Variants in EVC2 observed in about 807,000 individuals in gnomAD.
EVC2 encodes the protein EvC ciliary complex subunit 2.
In EVC2, 148 loss-of-function variants were observed where a neutral mutation model predicts 149.3. The ratio of observed to expected loss-of-function variants is 0.99; its 90% CI spans 0.87 to 1.14. The LOEUF is 1.14. Ranked by LOEUF, EVC2 falls within the 50% of genes most tolerant of loss-of-function variation. EVC2 has a pLI of 0.00. For missense variants in EVC2, 1,854 were observed against 1,627.3 expected, an observed-to-expected ratio of 1.14 and a Z score of -2.40; for synonymous variants, 776 against 649.9, an observed-to-expected ratio of 1.19 and a Z score of -2.95.
chr4:5,631,176 G>A (rs117900960), intron 11 of EVC2, among the ~76,000 whole-genome samples: 3 of 152,260 alleles, frequency 2.0e-5, no homozygotes, highest in East Asian at 3.9e-4. Context: ...AGTATATCCA[G>A]GCACAGATAC....
At position 5,636,661 on chromosome 4, in the gene EVC2, G is replaced by A. The variant is rs1716907340; in HGVS notation, c.1470+3853C>T. Among the ~76,000 whole-genome samples, 1 of 152,136 alleles carries A rather than the reference G, an allele frequency of 6.6e-6. No individual in the cohort carries two copies. The highest frequency in any genetic ancestry group is 2.4e-5 in the African/African-American group (1 of 41,426). On this transcript the variant is annotated intron_variant, in intron 10 of 21. Transcript: ENST00000344408. This position sits in a 1 kb window ranked among gnomAD's most constrained non-coding sequence, Gnocchi z 4.6. ...TTTTGGTATCCATGGGGGTGGGATG[G>A]TGGGGAGGGTCCTGGAACCAATGCT... is the stretch of plus-strand genomic sequence containing the variant.
chr4:5,565,967 G>C (rs1722257141), intron 20 of EVC2, among the ~76,000 whole-genome samples: 1 of 152,198 alleles, frequency 6.6e-6, no homozygotes. Context: ...TCTGTGCACT[G>C]ACTTATATAC....
intron 9 of EVC2, among the ~76,000 whole-genome samples, chr4:5,649,009 C>T (rs1717920739): frequency 6.6e-6 from 1 of 152,162 alleles, no homozygotes; most frequent in African/African-American, 2.4e-5. Context: ...CCCTCTATGG[C>T]ATTGTGCCAT....
rs1170135265 is a variant in EVC2 at position 5,679,078 on chromosome 4, A to T, written c.870+2182T>A. On this transcript the variant is annotated intron_variant, in intron 7 of 21. Transcript: ENST00000344408. This position sits in a 1 kb window ranked among gnomAD's most constrained non-coding sequence, Gnocchi z 5.1. Reference sequence around the variant, plus strand: ...AAATATGTACAAAAGACAAAAAAAAAAATACACTCGTATAGGAAATGTATC... The same window carrying T: ...AAATATGTACAAAAGACAAAAAAAATAATACACTCGTATAGGAAATGTATC... Among the ~76,000 whole-genome samples the T allele has an allele frequency of 1.3e-5, 2 of 152,056 alleles. No homozygotes were observed. Among genetic ancestry groups the T allele is most frequent in the Non-Finnish European group, 2.9e-5 (2 of 68,008 alleles).
downstream of EVC2, among the ~76,000 whole-genome samples, chr4:5,542,059 A>C (rs952350830): frequency 2.0e-5 from 3 of 152,212 alleles, no homozygotes; most frequent in Non-Finnish European, 2.9e-5. Context: ...CCAGAGAGCC[A>C]GCTAGCCCTT....
At position 5,622,035 on chromosome 4, in the gene EVC2, G is replaced by T. The variant is rs1715724285; in HGVS notation, c.2501+502C>A. ...GCCAGGTGAAAAGATGATGCAGTGTGGTGGAAGAACTAACACGAAGGTCAA... is the reference window on the plus strand; with the variant it reads ...GCCAGGTGAAAAGATGATGCAGTGTTGTGGAAGAACTAACACGAAGGTCAA... On this transcript the variant is annotated intron_variant, in intron 14 of 21. Transcript: ENST00000344408. The surrounding 1 kb of genome is among the most constrained non-coding windows in gnomAD (Gnocchi z 5.8). Among the ~76,000 whole-genome samples the T allele has an allele frequency of 6.6e-6, 1 of 151,940 alleles. No homozygotes were observed. The highest frequency in any genetic ancestry group is 1.5e-5 in the Non-Finnish European group (1 of 67,996).
At position 5,670,764 on chromosome 4, in the gene EVC2, C is replaced by T. The variant is rs1158586087; in HGVS notation, c.871-5115G>A. On this transcript the variant is annotated intron_variant, in intron 7 of 21. Coordinates refer to ENST00000344408, the MANE Select transcript of EVC2 (RefSeq NM_147127.5). The surrounding 1 kb of genome is among the most constrained non-coding windows in gnomAD (Gnocchi z 5.2). Reference sequence around the variant, plus strand: ...CCATCAACGCCATCATCAGCAGCATCGCCATCAAATTCATTATCACCATCA... The same window carrying T: ...CCATCAACGCCATCATCAGCAGCATTGCCATCAAATTCATTATCACCATCA... Among the ~76,000 whole-genome samples, 3 of 152,030 alleles carry T rather than the reference C, an allele frequency of 2.0e-5. No individual in the cohort carries two copies. The highest frequency in any genetic ancestry group is 2.9e-5 in the Non-Finnish European group (2 of 68,010).
intron 10 of EVC2, among the ~76,000 whole-genome samples, chr4:5,639,871 A>G (rs184482693): frequency 6.6e-6 from 1 of 152,274 alleles, no homozygotes; most frequent in East Asian, 1.9e-4. Context: ...TTTTTACGTG[A>G]ACTGATTTTT....
intron 9 of EVC2, among the ~76,000 whole-genome samples, chr4:5,647,318 C>T (rs547528087): frequency 1.3e-5 from 2 of 152,298 alleles, no homozygotes; most frequent in East Asian, 3.9e-4. Flanking sequence ...CATAGTGTCA[C>T]TATGAAATGG....
chr4:5,609,294 T>C (rs61528467), intron 16 of EVC2, among the ~76,000 whole-genome samples: 2,941 of 152,308 alleles, frequency 0.019, 83 homozygotes, highest in African/African-American at 0.066. Flanking sequence ...CAACTCTTAG[T>C]TGTGGGCATT....
chr4:5,574,836 T>C (rs1722824214), intron 18 of EVC2, 64 bp from the exon 19 acceptor site: 3 of 1,477,064 alleles, frequency 2.0e-6, no homozygotes, highest in Admixed American at 3.4e-5. Context: ...TGAGATCATC[T>C]AGTTATTTAA....
chr4:5,582,110 G>A (rs1711851192), intron 17 of EVC2, among the ~76,000 whole-genome samples: 1 of 152,236 alleles, frequency 6.6e-6, no homozygotes, highest in East Asian at 1.9e-4. Context: ...GAAATGTGGG[G>A]TTGGAGCCCC....
In EVC2 at chr4:5,640,611, C is replaced by T; in HGVS notation, c.1373G>A (p.Cys458Tyr). 6.2e-7 allele frequency: 1 copy of T among 1,614,166 alleles called. No individual in the cohort carries two copies. The highest frequency in any genetic ancestry group is 8.5e-7 in the Non-Finnish European group (1 of 1,180,030). The change falls in exon 10 of 22, where the codon TGT (cysteine) becomes TAT (tyrosine). Residue 458 changes from cysteine to tyrosine, a missense_variant. By Grantham distance (194) the Cys-to-Tyr change is radical. Transcript: ENST00000344408. The surrounding 1 kb of genome is among the most constrained non-coding windows in gnomAD (Gnocchi z 4.6). ...DRKMVALTAE[C>Y]DLETRKKMEN... ...CATCTTCTTTCTTGTTTCCAGGTCA[C>T]ATTCAGCTGTCAATGCCACCATCTT...
chr4:5,590,500 A>G (rs887261064), intron 16 of EVC2, among the ~76,000 whole-genome samples: 1 of 151,392 alleles, frequency 6.6e-6, no homozygotes, highest in Non-Finnish European at 1.5e-5. Flanking sequence ...CCTGAGCGCT[A>G]AACAGAAACC....
rs1035390833 is a variant in EVC2 at position 5,547,103 on chromosome 4, T to C, written c.3420-3891A>G. Among the ~76,000 whole-genome samples, 3 of 152,182 alleles carry C rather than the reference T, an allele frequency of 2.0e-5. 1 individual carries two copies. The highest frequency in any genetic ancestry group is 4.4e-5 in the Non-Finnish European group (3 of 68,010). ...CCCCATGCCCTTGCAGGCTCAGAAA[T>C]GCCTGCTCCCACTGCCTGGCTTCTC... On this transcript the variant is annotated intron_variant and NMD_transcript_variant, in intron 21 of 22. Transcript: ENST00000475313.
At chr4:5,660,849 C>T (rs1269566217) in intron 9 of EVC2, among the ~76,000 whole-genome samples, 1 of 152,232 alleles carries the variant, frequency 6.6e-6, no homozygotes, top group Admixed American at 6.5e-5. Context: ...CCATTCTTCA[C>T]TCACCAGATG....
At chr4:5,564,519 G>C (rs780337267) in intron 21 of EVC2, among the ~76,000 whole-genome samples, 4 of 152,214 alleles carry the variant, frequency 2.6e-5, no homozygotes, top group African/African-American at 9.6e-5. Flanking sequence ...CTTCAACTGA[G>C]CTCTGAGAAA....
At chr4:5,630,726 G>T (rs1473271301) in intron 11 of EVC2, among the ~76,000 whole-genome samples, 3 of 152,068 alleles carry the variant, frequency 2.0e-5, no homozygotes, top group African/African-American at 7.2e-5. Context: ...CTGCTCCAAG[G>T]CCTCCAGCAC....
At chr4:5,650,622 TATATATATATATATATAGAGAGAGAG>T (rs1238872707) in intron 9 of EVC2, among the ~76,000 whole-genome samples, 145 of 86,500 alleles carry the variant, frequency 1.7e-3, no homozygotes, top group African/African-American at 5.4e-3. Flanking sequence ...TATATATATA[TATATATATATATATATAGAGAGAGAG>T]AGAGAGAGAG....
Sources: allele counts gnomAD v4.1 joint callset (sites outside exome capture counted in the v4.1 genomes callset), GRCh38; gene constraint gnomAD v4.1.1; non-coding constraint Gnocchi (gnomAD v3.1); transcripts MANE v1.5; gene names NCBI Gene and HGNC (gene_info 2026-07-23, HGNC 2026-07-21).